Variants in IL12RB2 observed in about 807,000 individuals in gnomAD.
The protein encoded by IL12RB2 is interleukin 12 receptor subunit beta 2.
A neutral mutation model predicts 89.4 loss-of-function variants in IL12RB2; 82 were observed. The observed-to-expected ratio is 0.92, with a 90% CI of 0.77 to 1.10. The LOEUF is 1.10. Ranked by LOEUF, IL12RB2 falls within the 50% of genes least tolerant of loss-of-function variation. IL12RB2 has a pLI of 0.00. For synonymous variants in IL12RB2, 368 were observed against 370.1 expected, an observed-to-expected ratio of 0.99 and a Z score of 0.07; for missense variants, 963 against 1,031.9, an observed-to-expected ratio of 0.93 and a Z score of 0.92.
At position 67,390,036 on chromosome 1, in the gene IL12RB2, G is replaced by T; in HGVS notation, c.1954G>T (p.Val652Phe). 8.2e-7 allele frequency: 1 copy of T among 1,218,338 alleles called. No individual in the cohort carries two copies. The highest frequency in any genetic ancestry group is 1.2e-6 in the Non-Finnish European group (1 of 818,230). 75.5% of individuals were successfully genotyped at this position (1,218,338 alleles called of 1,614,324 possible). ...STHYFQQKVF[V>F]LLAALRPQWC... ...TGTTTTCTTTATCTATAGGGTGTTT[G>T]TTCTCCTAGCAGCCCTCAGACCTCA... Residue 652 changes from valine to phenylalanine, a missense_variant, in exon 16 of 17, where the codon GTT becomes TTT. By Grantham distance (50) the Val-to-Phe change is conservative. Transcript: ENST00000674203.
Position 67,380,061 on chromosome 1 carries a change from T to C in IL12RB2, c.1793T>C (p.Met598Thr). 6.2e-7 allele frequency: 1 copy of C among 1,614,044 alleles called. No individual in the cohort carries two copies. Among genetic ancestry groups the C allele is most frequent in the Non-Finnish European group, 8.5e-7 (1 of 1,179,874 alleles). The change falls in exon 14 of 17, where the codon ATG (methionine) becomes ACG (threonine). Residue 598 changes from methionine to threonine, a missense_variant. By Grantham distance (81) the Met-to-Thr change is moderately conservative (BLOSUM62 -1). Coordinates refer to ENST00000674203, the MANE Select transcript of IL12RB2 (RefSeq NM_001374259.2). Reference protein sequence around the residue: ...LQPRVTYVLWMTALTAAGESS... With the variant: ...LQPRVTYVLWTTALTAAGESS... ...CCCCGAGTGACATATGTCCTGTGGA[T>C]GACAGCTCTGACAGCTGCTGGTGAA...
At chr1:67,347,234 T>C (rs559311090) in intron 9 of IL12RB2, among the ~76,000 whole-genome samples, 12 of 152,336 alleles carry the variant, frequency 7.9e-5, no homozygotes, top group Admixed American at 4.6e-4. Context: ...TGATTAATAG[T>C]GTTCAGATTC....
At position 67,338,543 on chromosome 1, in the gene IL12RB2, C is replaced by A. The variant is rs1569884740; in HGVS notation, c.959-81C>A. On this transcript the variant is annotated intron_variant, in intron 8 of 16. Coordinates refer to ENST00000674203, the MANE Select transcript of IL12RB2 (RefSeq NM_001374259.2). ...AAGTTATCCTCTAATTCTACTCTTC[C>A]AGAATTGTTTACTGAATGACCAGTT... The A allele has an allele frequency of 3.9e-6, 3 of 774,388 alleles. No individual in the cohort carries two copies. The East Asian group carries it at 7.4e-5, about 19-fold the overall frequency. The allele number at this position is 774,388 out of a possible 1,614,324, so 48.0% of individuals were successfully genotyped here.
At chr1:67,316,995 C>T (rs554878230) in intron 2 of IL12RB2, among the ~76,000 whole-genome samples, 4 of 152,130 alleles carry the variant, frequency 2.6e-5, no homozygotes, top group Non-Finnish European at 5.9e-5. Flanking sequence ...GGACTTGGCA[C>T]TTAGCAGCTG....
At chr1:67,325,853 G>A (rs948053242) in intron 4 of IL12RB2, among the ~76,000 whole-genome samples, 1 of 152,126 alleles carries the variant, frequency 6.6e-6, no homozygotes, top group East Asian at 1.9e-4. Flanking sequence ...GGGTAAAATG[G>A]GATGACTGAA....
chr1:67,364,899 T>C (rs1185185076), intron 10 of IL12RB2, among the ~76,000 whole-genome samples: 1 of 152,194 alleles, frequency 6.6e-6, no homozygotes, highest in Non-Finnish European at 1.5e-5. Context: ...AGATACACCA[T>C]ATTCTGGGTC....
intron 11 of IL12RB2, among the ~76,000 whole-genome samples, chr1:67,368,552 T>A (rs1236089546): frequency 6.6e-6 from 1 of 152,254 alleles, no homozygotes; most frequent in Non-Finnish European, 1.5e-5. Flanking sequence ...CAATTGGTAT[T>A]TCTAATCCTC....
At chr1:67,340,307 A>G (rs537247377) in intron 9 of IL12RB2, among the ~76,000 whole-genome samples, 1 of 152,362 alleles carries the variant, frequency 6.6e-6, no homozygotes, top group South Asian at 2.1e-4. Flanking sequence ...TCAAAGCAGG[A>G]CATTTAGAAC....
chr1:67,338,575 C>G (rs1328144060), intron 8 of IL12RB2, 49 bp from the exon 9 acceptor site: 1 of 888,242 alleles, frequency 1.1e-6, no homozygotes, highest in Non-Finnish European at 1.9e-6. Context: ...AGTTAACTTT[C>G]AAAGTAGTAA....
intron 13 of IL12RB2, among the ~76,000 whole-genome samples, chr1:67,377,166 G>T (rs1337270910): frequency 6.6e-6 from 1 of 152,218 alleles, no homozygotes; most frequent in Non-Finnish European, 1.5e-5. Context: ...TGGGATAATG[G>T]AAGGGGTCTC....
intron 9 of IL12RB2, among the ~76,000 whole-genome samples, chr1:67,349,019 C>T (rs1295365617): frequency 6.6e-6 from 1 of 152,170 alleles, no homozygotes; most frequent in Non-Finnish European, 1.5e-5. Flanking sequence ...CTCTGGAAAT[C>T]TTTATGATCC....
At chr1:67,321,077 T>G (rs1656452382) in intron 3 of IL12RB2, among the ~76,000 whole-genome samples, 1 of 152,158 alleles carries the variant, frequency 6.6e-6, no homozygotes, top group Non-Finnish European at 1.5e-5. Flanking sequence ...TGTTTTTTTT[T>G]TCTGAGACAG....
intron 14 of IL12RB2, among the ~76,000 whole-genome samples, chr1:67,381,092 A>G: frequency 6.6e-6 from 1 of 152,188 alleles, no homozygotes; most frequent in East Asian, 1.9e-4. Flanking sequence ...CAGACACTCA[A>G]TATGAAATGA....
intron 1 of IL12RB2, among the ~76,000 whole-genome samples, chr1:67,309,059 T>C (rs115019193): frequency 0.038 from 5,705 of 151,414 alleles, 148 homozygotes; most frequent in Admixed American, 0.065. Context: ...TATATATATA[T>C]ACACACACAC....
At chr1:67,326,177 T>C (rs189696816) in intron 4 of IL12RB2, among the ~76,000 whole-genome samples, 4 of 152,258 alleles carry the variant, frequency 2.6e-5, no homozygotes, top group Non-Finnish European at 4.4e-5. Flanking sequence ...ACAGCAAATA[T>C]CAGGTGAAGA....
rs17838062 is a variant in IL12RB2 at position 67,390,770 on chromosome 1, G to A, written c.2046+642G>A. On this transcript the variant is annotated intron_variant, in intron 16 of 16. Coordinates refer to ENST00000674203, the MANE Select transcript of IL12RB2 (RefSeq NM_001374259.2). The stretch of plus-strand genomic sequence containing the variant: ...TGGGCCATCCCTGGTGGAGGGTCTG[G>A]AAGTTGAAAGTATCTGAATATGAAG... 3.7e-3 allele frequency among the ~76,000 whole-genome samples: 569 copies of A among 152,228 alleles called. 3 individuals are homozygous for A. The highest frequency in any genetic ancestry group is 0.013 in the African/African-American group (551 of 41,532).
At chr1:67,363,573 T>C (rs1026689324) in intron 10 of IL12RB2, among the ~76,000 whole-genome samples, 3 of 151,944 alleles carry the variant, frequency 2.0e-5, no homozygotes, top group Non-Finnish European at 2.9e-5. Context: ...ACAATAATAG[T>C]AACAATGTAT....
At chr1:67,370,021 GA>G (rs56153451) in intron 11 of IL12RB2, among the ~76,000 whole-genome samples, 74 of 125,466 alleles carry the variant, frequency 5.9e-4, no homozygotes, top group African/African-American at 1.6e-3. Context: ...GACTCCATCT[GA>G]AAAAAAAAAA....
intron 11 of IL12RB2, among the ~76,000 whole-genome samples, chr1:67,372,230 G>A (rs1477061880): frequency 6.6e-6 from 1 of 152,170 alleles, no homozygotes; most frequent in East Asian, 1.9e-4. Context: ...GTTGGGAGCA[G>A]TAACTTCCAG....
Sources: gnomAD v4.1 joint callset for allele counts (sites outside exome capture counted in the v4.1 genomes callset) on GRCh38, gnomAD v4.1.1 for gene constraint, MANE v1.5 for transcripts, NCBI Gene and HGNC (gene_info 2026-07-23, HGNC 2026-07-21) for gene names.